The following PHACTR4 variants were observed in gnomAD, a reference collection of about 807,000 sequenced individuals.
PHACTR4 encodes the protein phosphatase and actin regulator 4.
In PHACTR4, 51 loss-of-function variants were observed where a neutral mutation model predicts 72.7. The ratio of observed to expected loss-of-function variants is 0.70; its 90% CI spans 0.56 to 0.89. The LOEUF (loss-of-function observed/expected upper bound fraction) is 0.89, where lower values mean the gene tolerates loss of function less well. Ranked by LOEUF, PHACTR4 falls within the 40% of genes least tolerant of loss-of-function variation. PHACTR4 has a pLI of 0.00. For missense variants in PHACTR4, 731 were observed against 861.8 expected, an observed-to-expected ratio of 0.85 and a Z score of 1.90; for synonymous variants, 255 against 302.5, an observed-to-expected ratio of 0.84 and a Z score of 1.63.
At chr1:28,434,732 A>G (rs767199996) in intron 2 of PHACTR4, among the ~76,000 whole-genome samples, 2 of 151,996 alleles carry the variant, frequency 1.3e-5, no homozygotes, top group Admixed American at 6.6e-5. Context: ...GGGCCTTACT[A>G]TATTGCCCAG....
intron 2 of PHACTR4, among the ~76,000 whole-genome samples, chr1:28,416,551 A>C (rs1655117426): frequency 6.6e-6 from 1 of 152,244 alleles, no homozygotes; most frequent in Admixed American, 6.5e-5. Flanking sequence ...AGAAGCCTGG[A>C]AAGGCAGTAA....
intron 1 of PHACTR4, among the ~76,000 whole-genome samples, chr1:28,392,281 G>A (rs1011119665): frequency 3.3e-5 from 5 of 152,150 alleles, no homozygotes; most frequent in African/African-American, 1.2e-4. Context: ...AGACTTGGTT[G>A]TCAAATTAAC....
chr1:28,387,212 GAT>G (rs1272537426), intron 1 of PHACTR4, among the ~76,000 whole-genome samples: 1 of 142,900 alleles, frequency 7.0e-6, no homozygotes, highest in African/African-American at 2.7e-5. Flanking sequence ...AGTAAGCTGA[GAT>G]TGTGCCACTG....
At chr1:28,377,433 T>C (rs1271275395) in intron 1 of PHACTR4, among the ~76,000 whole-genome samples, 11 of 150,286 alleles carry the variant, frequency 7.3e-5, no homozygotes, top group Admixed American at 6.0e-4. Flanking sequence ...AGAGATGGGG[T>C]TTCACCATGT....
rs1211110408 is a variant in PHACTR4, at chr1:28,499,277, A to T, written c.*2728A>T. 1 of 151,822 alleles carries T rather than the reference A, an allele frequency of 6.6e-6. No homozygotes were observed. The highest frequency in any genetic ancestry group is 1.5e-5 in the Non-Finnish European group (1 of 68,054). The allele number at this position is 151,822 out of a possible 1,614,324, so 9.4% of individuals were successfully genotyped here. The stretch of plus-strand genomic sequence containing the variant: ...CAGCCTCCCAAGTAGCTAGGATTAC[A>T]GGCATGAGCCACCACGCCTGGCTAA... On this transcript the variant is annotated 3_prime_UTR_variant, in exon 14 of 14. Transcript: ENST00000373839.
intron 2 of PHACTR4, among the ~76,000 whole-genome samples, chr1:28,448,780 A>AAAAAAAAAAAAAAAAAC (rs1553195455): frequency 1.5e-5 from 2 of 134,358 alleles, no homozygotes; most frequent in African/African-American, 3.4e-5. Context: ...AAAAAAAAAA[A>AAAAAAAAAAAAAAAAAC]AAAAACCTGA....
intron 2 of PHACTR4, among the ~76,000 whole-genome samples, chr1:28,421,386 T>G (rs1170847529): frequency 6.6e-6 from 1 of 150,960 alleles, no homozygotes; most frequent in Non-Finnish European, 1.5e-5. Context: ...GATTCGTGGG[T>G]TTTTTTGTTT....
chr1:28,407,561 G>T, intron 2 of PHACTR4, 98 bp downstream of exon 2: 1 of 1,024,036 alleles, frequency 9.8e-7, no homozygotes, highest in Non-Finnish European at 1.5e-6. Context: ...TTCATATTCA[G>T]TATGCTACTC....
chr1:28,480,468 G>A lies in PHACTR4; in HGVS notation c.1624G>A (p.Val542Met). Reference sequence around the variant, plus strand: ...GTGCAAAGGTGCTCTCGCCAACAAAGTGAAGAGGAAAGACACACTGGCAAT... The same window carrying A: ...GTGCAAAGGTGCTCTCGCCAACAAAATGAAGAGGAAAGACACACTGGCAAT... ...ESYQSALANK[V>M]KRKDTLAMKL... The change falls in exon 9 of 14, where the codon GTG (valine) becomes ATG (methionine). Residue 542 changes from valine to methionine, a missense_variant. Val to Met is a conservative substitution (Grantham distance 21). Transcript: ENST00000373839. 1 of 1,614,050 alleles carries A rather than the reference G, an allele frequency of 6.2e-7. No individual in the cohort carries two copies. Among genetic ancestry groups the A allele is most frequent in the Non-Finnish European group, 8.5e-7 (1 of 1,179,986 alleles).
At chr1:28,371,715 A>G (rs1188260054) in intron 1 of PHACTR4, among the ~76,000 whole-genome samples, 3 of 151,620 alleles carry the variant, frequency 2.0e-5, no homozygotes, top group Admixed American at 6.6e-5. Context: ...CTCTGCCTCC[A>G]GAGTAGCTGG....
chr1:28,443,265 C>G (rs1349807055), intron 2 of PHACTR4, among the ~76,000 whole-genome samples: 1 of 151,916 alleles, frequency 6.6e-6, no homozygotes, highest in East Asian at 1.9e-4. Flanking sequence ...ATTTCATTGT[C>G]TTTCTTTCTC....
At chr1:28,381,836 A>C (rs1298366008) in intron 1 of PHACTR4, among the ~76,000 whole-genome samples, 1 of 152,076 alleles carries the variant, frequency 6.6e-6, no homozygotes, top group Non-Finnish European at 1.5e-5. Context: ...GCAATGGCAC[A>C]ATCTTGGCTC....
chr1:28,462,565 C>T (rs1395917731), intron 4 of PHACTR4, among the ~76,000 whole-genome samples: 1 of 152,002 alleles, frequency 6.6e-6, no homozygotes. Flanking sequence ...AGGGTTTCAC[C>T]GTTTTGGCCA....
At chr1:28,379,266 T>C (rs940608384) in intron 1 of PHACTR4, among the ~76,000 whole-genome samples, 1 of 132,714 alleles carries the variant, frequency 7.5e-6, no homozygotes, top group Non-Finnish European at 1.6e-5. Flanking sequence ...ATAATTTCTT[T>C]CTTTCTTTTT....
At chr1:28,487,344 C>T (rs971255144) in intron 9 of PHACTR4, among the ~76,000 whole-genome samples, 7 of 151,244 alleles carry the variant, frequency 4.6e-5, no homozygotes, top group East Asian at 1.9e-4. Flanking sequence ...CCAGCCTGGG[C>T]GGCAGAGCAA....
chr1:28,416,254 G>A (rs1047282384), intron 2 of PHACTR4, among the ~76,000 whole-genome samples: 5 of 151,938 alleles, frequency 3.3e-5, no homozygotes, highest in Non-Finnish European at 5.9e-5. Flanking sequence ...ATTTAATATA[G>A]CATTATTATA....
At chr1:28,448,163 T>A (rs1465319137) in intron 2 of PHACTR4, among the ~76,000 whole-genome samples, 32 of 152,154 alleles carry the variant, frequency 2.1e-4, no homozygotes, top group Non-Finnish European at 2.9e-5. Context: ...ATGAAGATAT[T>A]TGGTACTTCT....
intron 2 of PHACTR4, among the ~76,000 whole-genome samples, chr1:28,455,448 C>T (rs912854635): frequency 9.9e-5 from 15 of 151,972 alleles, no homozygotes; most frequent in Non-Finnish European, 1.5e-5. Context: ...CTGCCTGCCT[C>T]GGCTTCCCAA....
Position 28,484,609 on chromosome 1 carries a change from C to T in PHACTR4, c.1760+4005C>T, listed in dbSNP as rs960032208. Among the ~76,000 whole-genome samples the T allele has an allele frequency of 8.1e-5, 12 of 147,856 alleles. No homozygotes were observed. The East Asian group carries it at 2.0e-3, about 24-fold the overall frequency. ...ATGTGTACGTGTGTGTATATATGTCCATATATATATATGGATTTGATGGCC... is the reference window on the plus strand; with the variant it reads ...ATGTGTACGTGTGTGTATATATGTCTATATATATATATGGATTTGATGGCC... On this transcript the variant is annotated intron_variant, in intron 9 of 13. Coordinates refer to ENST00000373839, the MANE Select transcript of PHACTR4 (RefSeq NM_001048183.3).
Sources: allele counts gnomAD v4.1 joint callset (sites outside exome capture counted in the v4.1 genomes callset), GRCh38; gene constraint gnomAD v4.1.1; transcripts MANE v1.5; gene names NCBI Gene and HGNC (gene_info 2026-07-23, HGNC 2026-07-21).